Variants in PPARG observed in about 807,000 individuals in gnomAD.
PPARG encodes peroxisome proliferator-activated receptor gamma.
PPARG carries 17 observed loss-of-function variants against 39.2 expected under a neutral mutation model. That is an observed-to-expected ratio of 0.43 (90% CI 0.30 to 0.65). The LOEUF is 0.65. Ranked by LOEUF, PPARG falls within the 30% of genes least tolerant of loss-of-function variation. The pLI is 0.13. For missense variants in PPARG, 406 were observed against 585.9 expected, an observed-to-expected ratio of 0.69 and a Z score of 3.17; for synonymous variants, 223 against 215.7, an observed-to-expected ratio of 1.03 and a Z score of -0.30.
chr3:12,366,796 G>T lies in PPARG; in HGVS notation c.-8-12908G>T, dbSNP rs548433279. 9.9e-5 allele frequency among the ~76,000 whole-genome samples: 15 copies of T among 152,182 alleles called. No individual in the cohort carries two copies. In the East Asian group the frequency reaches 2.9e-3, roughly 29 times the overall value. On this transcript the variant is annotated intron_variant, in intron 2 of 7. Transcript: ENST00000651735. ...TTTCATACATTATCGGATTCAATTT[G>T]CTGATATTTTGTTAAAGATTTCTGC...
At chr3:12,368,726 G>C (rs2049108153) in intron 2 of PPARG, among the ~76,000 whole-genome samples, 1 of 152,132 alleles carries the variant, frequency 6.6e-6, no homozygotes, top group Non-Finnish European at 1.5e-5. Context: ...CTGCTGATGG[G>C]TTCCAGAGTC....
intron 2 of PPARG, among the ~76,000 whole-genome samples, chr3:12,313,748 T>A (rs1428268344): frequency 6.6e-6 from 1 of 152,160 alleles, no homozygotes; most frequent in Non-Finnish European, 1.5e-5. Flanking sequence ...CTGGAACAAT[T>A]TCATCAATAA....
At chr3:12,299,029 G>T (rs917480988) in intron 1 of PPARG, among the ~76,000 whole-genome samples, 1 of 151,942 alleles carries the variant, frequency 6.6e-6, no homozygotes, top group African/African-American at 2.4e-5. Flanking sequence ...AGAAACAGGG[G>T]TTCGCCGTAT....
intron 4 of PPARG, among the ~76,000 whole-genome samples, chr3:12,387,938 T>C (rs1388670067): frequency 1.3e-5 from 2 of 152,154 alleles, no homozygotes; most frequent in African/African-American, 2.4e-5. Context: ...CAAAAAAACC[T>C]TCCTCTCCTA....
At chr3:12,383,416 T>A (rs189433050) in intron 4 of PPARG, among the ~76,000 whole-genome samples, 122 of 152,356 alleles carry the variant, frequency 8.0e-4, no homozygotes, top group African/African-American at 2.8e-3. Flanking sequence ...TTAGATTTTT[T>A]ATTGAATGTT....
chr3:12,374,344 A>G (rs997443540), intron 2 of PPARG, among the ~76,000 whole-genome samples: 1 of 152,132 alleles, frequency 6.6e-6, no homozygotes, highest in African/African-American at 2.4e-5. Flanking sequence ...CACACCCGTA[A>G]TCCCAGCACT....
At chr3:12,408,345 T>G (rs1160669280) in intron 6 of PPARG, among the ~76,000 whole-genome samples, 1 of 152,228 alleles carries the variant, frequency 6.6e-6, no homozygotes, top group Admixed American at 6.5e-5. Context: ...GGCTTTTACA[T>G]GCACAGGACT....
At chr3:12,359,274 T>C (rs1166182636) in intron 2 of PPARG, among the ~76,000 whole-genome samples, 2 of 152,004 alleles carry the variant, frequency 1.3e-5, no homozygotes, top group Non-Finnish European at 2.9e-5. Flanking sequence ...TTTACTGAGC[T>C]GAAGATATAG....
chr3:12,396,997 A>G (rs1019712133), intron 5 of PPARG, among the ~76,000 whole-genome samples: 14 of 152,258 alleles, frequency 9.2e-5, no homozygotes, highest in East Asian at 7.7e-4. Flanking sequence ...CACCTGACCT[A>G]TTTAAGAAAA....
intron 2 of PPARG, chr3:12,351,713 G>A (rs111473633): frequency 6.6e-7 from 1 of 1,504,760 alleles, no homozygotes; most frequent in Admixed American, 1.7e-5. Context: ...GGGACGTGGG[G>A]GCATTTATGT....
chr3:12,427,427 C>A (rs1344079909), intron 7 of PPARG, among the ~76,000 whole-genome samples: 3 of 152,164 alleles, frequency 2.0e-5, no homozygotes, highest in Non-Finnish European at 4.4e-5. Context: ...CCAAGAACAA[C>A]TCAAAAACCT....
At chr3:12,391,426 G>A (rs537436802) in intron 4 of PPARG, among the ~76,000 whole-genome samples, 1 of 152,262 alleles carries the variant, frequency 6.6e-6, no homozygotes, top group African/African-American at 2.4e-5. Context: ...TAGCCCCATT[G>A]AGAAGGTGAG....
At chr3:12,296,473 C>A (rs1174344197) in intron 1 of PPARG, among the ~76,000 whole-genome samples, 2 of 152,044 alleles carry the variant, frequency 1.3e-5, no homozygotes, top group Non-Finnish European at 2.9e-5. Context: ...TCTTGCACCC[C>A]ACCTGATAGA....
intron 4 of PPARG, among the ~76,000 whole-genome samples, chr3:12,386,843 A>G (rs2049890416): frequency 6.6e-6 from 1 of 151,962 alleles, no homozygotes; most frequent in African/African-American, 2.4e-5. Context: ...TACATTAGGT[A>G]TTTCTCCTAA....
At chr3:12,420,310 G>A (rs1433234679) in intron 7 of PPARG, among the ~76,000 whole-genome samples, 2 of 152,170 alleles carry the variant, frequency 1.3e-5, no homozygotes, top group Non-Finnish European at 2.9e-5. Context: ...TGCTTCCTTA[G>A]AGTAAGACAA....
intron 2 of PPARG, among the ~76,000 whole-genome samples, chr3:12,335,706 G>A (rs1314573521): frequency 1.3e-5 from 2 of 152,010 alleles, no homozygotes; most frequent in Non-Finnish European, 1.5e-5. Context: ...ACCTTCAGTG[G>A]AAAAAGAAGA....
chr3:12,409,758 A>G (rs1406945835), intron 6 of PPARG, among the ~76,000 whole-genome samples: 1 of 152,192 alleles, frequency 6.6e-6, no homozygotes, highest in Non-Finnish European at 1.5e-5. Flanking sequence ...CCTTTGGAAA[A>G]GGAAATGACT....
intron 2 of PPARG, among the ~76,000 whole-genome samples, chr3:12,327,373 T>G (rs1211536055): frequency 6.6e-6 from 1 of 152,236 alleles, no homozygotes; most frequent in Non-Finnish European, 1.5e-5. Context: ...TTAGATAATT[T>G]GAGCTCATGG....
intron 5 of PPARG, among the ~76,000 whole-genome samples, chr3:12,394,725 A>G (rs910814252): frequency 1.3e-5 from 2 of 152,224 alleles, no homozygotes; most frequent in Non-Finnish European, 2.9e-5. Flanking sequence ...CATCAGACTA[A>G]CAACAAGGTT....
Sources: allele counts gnomAD v4.1 joint callset (sites outside exome capture counted in the v4.1 genomes callset), GRCh38; gene constraint gnomAD v4.1.1; transcripts MANE v1.5; gene names NCBI Gene and HGNC (gene_info 2026-07-23, HGNC 2026-07-21).